Variants in MORC1 observed in about 807,000 individuals in gnomAD.
The protein encoded by MORC1 is MORC family CW-type zinc finger protein 1.
Under a neutral mutation model 134.9 loss-of-function variants are expected in MORC1, and 59 were observed. The observed-to-expected ratio is 0.44, with a 90% CI of 0.35 to 0.54. MORC1 has a LOEUF of 0.54. Ranked by LOEUF, MORC1 falls within the 20% of genes least tolerant of loss-of-function variation. The probability of loss-of-function intolerance (pLI) is 0.00; values close to 1 mark genes in which losing one functional copy is unlikely to be tolerated. For synonymous variants in MORC1, 395 were observed against 391.7 expected (o/e 1.01, Z -0.10); for missense variants, 947 against 1,134.5 (o/e 0.83, Z 2.37).
chr3:108,986,861 T>C lies in MORC1; in HGVS notation c.2257+19A>G, dbSNP rs1273200430. On this transcript the variant is annotated intron_variant, in intron 22 of 27. Coordinates refer to ENST00000232603, the MANE Select transcript of MORC1 (RefSeq NM_014429.4). ...ATTATAGCTAATATATATATATACATGAGCTGATTTTTTTTTACCTTGGTT... is the reference window on the plus strand; with the variant it reads ...ATTATAGCTAATATATATATATACACGAGCTGATTTTTTTTTACCTTGGTT... 2 of 1,425,974 alleles carry C rather than the reference T, an allele frequency of 1.4e-6. No individual in the cohort carries two copies. The highest frequency in any genetic ancestry group is 1.9e-6 in the Non-Finnish European group (2 of 1,061,914). 88.3% of individuals were successfully genotyped at this position (1,425,974 alleles called of 1,614,324 possible).
At chr3:108,976,695 T>C (rs1353423814) in intron 24 of MORC1, among the ~76,000 whole-genome samples, 2 of 152,174 alleles carry the variant, frequency 1.3e-5, no homozygotes, top group Admixed American at 6.5e-5. Flanking sequence ...ATAATCACCA[T>C]ACAAAATTTA....
chr3:109,077,561 G>A (rs1261889061), intron 8 of MORC1, among the ~76,000 whole-genome samples: 1 of 151,684 alleles, frequency 6.6e-6, no homozygotes, highest in African/African-American at 2.4e-5. Flanking sequence ...TCCACTGAAA[G>A]TATATAATGG....
intron 17 of MORC1, among the ~76,000 whole-genome samples, chr3:109,007,713 T>C (rs539940409): frequency 1.4e-3 from 219 of 152,362 alleles, no homozygotes; most frequent in African/African-American, 5.2e-3. Context: ...GGAGAACTAA[T>C]TGCTTTATCT....
At chr3:109,100,570 G>T in intron 4 of MORC1, 63 bp from the exon 5 acceptor site, 1 of 1,244,616 alleles carries the variant, frequency 8.0e-7, no homozygotes, top group Non-Finnish European at 1.2e-6. Context: ...CTGAGGCCCA[G>T]CTGTCAGGAC....
At chr3:109,036,506 A>G (rs1178133089) in intron 14 of MORC1, among the ~76,000 whole-genome samples, 1 of 152,190 alleles carries the variant, frequency 6.6e-6, no homozygotes, top group Non-Finnish European at 1.5e-5. Context: ...ACATGTGCAT[A>G]TAAAATTTAA....
At chr3:109,074,372 G>A (rs761095080) in intron 8 of MORC1, among the ~76,000 whole-genome samples, 2 of 152,084 alleles carry the variant, frequency 1.3e-5, no homozygotes, top group South Asian at 2.1e-4. Flanking sequence ...AGATAGTTAA[G>A]TCACTGAAAG....
At chr3:109,006,914 AGTGCTTCACTATGTG>A in intron 18 of MORC1, 100 bp downstream of exon 18, 2 of 608,192 alleles carry the variant, frequency 3.3e-6, no homozygotes, top group Non-Finnish European at 5.3e-6. Context: ...AAAATCTACT[AGTGCTTCACTATGTG>A]AACCTCATAA....
At chr3:109,094,239 T>C (rs1950786015) in intron 7 of MORC1, among the ~76,000 whole-genome samples, 1 of 152,182 alleles carries the variant, frequency 6.6e-6, no homozygotes, top group African/African-American at 2.4e-5. Context: ...AAAGTCCAAA[T>C]TATTTCCAGT....
At chr3:109,016,486 T>C (rs1349091523) in intron 17 of MORC1, among the ~76,000 whole-genome samples, 2 of 152,142 alleles carry the variant, frequency 1.3e-5, no homozygotes, top group Non-Finnish European at 2.9e-5. Flanking sequence ...GAGGAAAAAA[T>C]GTCCCTCTTC....
rs868383146 is a variant in MORC1, at chr3:109,110,775, C to G, written c.128G>C (p.Gly43Ala). Residue 43 changes from glycine (G) to alanine (A), a missense_variant, in exon 3 of 28, where the codon GGG (glycine) becomes GCG (alanine). Physicochemically the swap from Gly to Ala is moderately conservative, Grantham distance 60. This residue lies in a region of MORC1 where 214 missense variants were observed against 281.3 expected (regional missense o/e 0.76). Transcript: ENST00000232603. Reference sequence around the variant, plus strand: ...TGAAAAGACATCAAGTCTTTCAGCCCCTGCATCTCTGGAAACAATACAAAA... The same window carrying G: ...TGAAAAGACATCAAGTCTTTCAGCCGCTGCATCTCTGGAAACAATACAAAA... Reference protein sequence around the residue: ...AELLDNARDAGAERLDVFSVD... With the variant: ...AELLDNARDAAAERLDVFSVD... 10 of 1,586,598 alleles carry G rather than the reference C, an allele frequency of 6.3e-6. No homozygotes were observed. In the Middle Eastern group the frequency reaches 1.7e-3, roughly 265 times the overall value.
rs572228606 is a variant in MORC1, at chr3:108,977,626, T to C, written c.2477+1889A>G. 2.2e-4 allele frequency among the ~76,000 whole-genome samples: 34 copies of C among 152,336 alleles called. No individual in the cohort carries two copies. In the South Asian group the frequency reaches 6.2e-3, roughly 28 times the overall value. On this transcript the variant is annotated intron_variant, in intron 24 of 27. Transcript: ENST00000232603. ...AATGATACTCACATTTATTCAAATA[T>C]ATACAGGCACATGCATATAAAATTT...
chr3:109,090,511 T>C (rs1276207371), intron 8 of MORC1, among the ~76,000 whole-genome samples: 1 of 150,786 alleles, frequency 6.6e-6, no homozygotes, highest in African/African-American at 2.5e-5. Context: ...TCCCAGCTAC[T>C]TGGGAGGCTG....
intron 14 of MORC1, among the ~76,000 whole-genome samples, chr3:109,038,894 T>C (rs562150161): frequency 6.6e-6 from 1 of 152,268 alleles, no homozygotes; most frequent in South Asian, 2.1e-4. Flanking sequence ...TTTGTTCTTT[T>C]TGCTTAGGAT....
chr3:108,971,523 C>T, intron 24 of MORC1, 121 bp from the exon 25 acceptor site: 1 of 772,422 alleles, frequency 1.3e-6, no homozygotes, highest in African/African-American at 1.8e-5. Context: ...ACATTAGTTC[C>T]CCCCAAACAT....
chr3:108,961,622 G>T (rs944630234), intron 27 of MORC1, among the ~76,000 whole-genome samples: 2 of 152,170 alleles, frequency 1.3e-5, no homozygotes, highest in Admixed American at 1.3e-4. Context: ...TTCATGTGGG[G>T]CGATGAGAGT....
chr3:109,024,123 A>T (rs1476131311), intron 17 of MORC1, among the ~76,000 whole-genome samples: 2 of 152,178 alleles, frequency 1.3e-5, no homozygotes, highest in African/African-American at 4.8e-5. Flanking sequence ...TACTGAACTT[A>T]GGTATTTCCC....
intron 16 of MORC1, 61 bp downstream of exon 16, chr3:109,032,659 A>T: frequency 8.5e-7 from 1 of 1,173,780 alleles, no homozygotes; most frequent in East Asian, 2.6e-5. Context: ...TTCAAGGTTC[A>T]TACATATGAA....
rs749509307 is a variant in MORC1, at chr3:109,035,472, T to TA, written c.1331-5_1331-4insT. The TA allele has an allele frequency of 1.1e-4, 147 of 1,314,178 alleles. No individual in the cohort carries two copies. Among genetic ancestry groups the TA allele is most frequent in the Non-Finnish European group, 1.2e-4 (125 of 1,006,756 alleles). 81.4% of individuals were successfully genotyped at this position (1,314,178 alleles called of 1,614,324 possible). A position where few individuals can be genotyped will look rare whatever the true frequency, so the allele number is the denominator to read the frequency against. ...AACAATGTTAAATTTCTATTATCTT[T>TA]TAAAAAAAAAAGCAGGCAAAGAATA... On this transcript the variant is annotated splice_region_variant and splice_polypyrimidine_tract_variant and intron_variant, in intron 14 of 27. Transcript: ENST00000232603.
At chr3:109,013,414 C>G (rs1948743891) in intron 17 of MORC1, among the ~76,000 whole-genome samples, 1 of 152,106 alleles carries the variant, frequency 6.6e-6, no homozygotes. Flanking sequence ...CTGATCTCTA[C>G]AAAAAATACT....
Sources: allele counts gnomAD v4.1 joint callset (sites outside exome capture counted in the v4.1 genomes callset), GRCh38; gene constraint gnomAD v4.1.1; regional missense constraint gnomAD v4.1.1; transcripts MANE v1.5; gene names NCBI Gene and HGNC (gene_info 2026-07-23, HGNC 2026-07-21).